Variants in WDR89 observed in about 807,000 individuals in gnomAD.
WDR89 encodes the protein WD repeat-containing protein 89.
Under a neutral mutation model 29.1 loss-of-function variants are expected in WDR89, and 17 were observed. The observed-to-expected ratio is 0.58, with a 90% CI of 0.40 to 0.88. The LOEUF is 0.88. Ranked by LOEUF, WDR89 falls within the 40% of genes least tolerant of loss-of-function variation. The probability of loss-of-function intolerance (pLI) is 0.00; values close to 1 mark genes in which losing one functional copy is unlikely to be tolerated. For synonymous variants in WDR89, 138 were observed against 157.8 expected (o/e 0.87, Z 0.94); for missense variants, 396 against 456.3 (o/e 0.87, Z 1.20).
At chr14:63,612,735 A>G (rs1435246482) in intron 2 of WDR89, among the ~76,000 whole-genome samples, 1 of 152,162 alleles carries the variant, frequency 6.6e-6, no homozygotes. Context: ...AAAGAAGCAA[A>G]CTGAGGGAGT....
intron 2 of WDR89, among the ~76,000 whole-genome samples, chr14:63,620,211 G>T (rs781085630): frequency 1.3e-5 from 2 of 151,718 alleles, no homozygotes. Context: ...CAGCTACTCG[G>T]GTACACATTT....
chr14:63,628,635 T>C (rs1224331338), intron 1 of WDR89, among the ~76,000 whole-genome samples: 1 of 152,088 alleles, frequency 6.6e-6, no homozygotes, highest in East Asian at 1.9e-4. Context: ...TCCTAGCAAT[T>C]TGATGTCAAC....
At position 63,599,943 on chromosome 14, in the gene WDR89, G is replaced by C; in HGVS notation, c.-1C>G. On this transcript the variant is annotated 5_prime_UTR_variant, in exon 3 of 3. Transcript: ENST00000620954. ...CAAATTGTTCCTCAATCTTTTCCATGTCAACAGCAGCATCCAAGGGTAGTA... is the reference window on the plus strand; with the variant it reads ...CAAATTGTTCCTCAATCTTTTCCATCTCAACAGCAGCATCCAAGGGTAGTA... 1.3e-6 allele frequency: 2 copies of C among 1,584,096 alleles called. No homozygotes were observed. Among genetic ancestry groups the C allele is most frequent in the South Asian group, 2.3e-5 (2 of 86,436 alleles).
At chr14:63,602,564 G>C (rs986628871) in intron 2 of WDR89, among the ~76,000 whole-genome samples, 4 of 151,414 alleles carry the variant, frequency 2.6e-5, no homozygotes, top group African/African-American at 9.7e-5. Context: ...CCTGAGGTCG[G>C]GAGATTGAGA....
At chr14:63,609,606 A>G (rs1257537395) in intron 2 of WDR89, among the ~76,000 whole-genome samples, 2 of 152,274 alleles carry the variant, frequency 1.3e-5, no homozygotes, top group Admixed American at 1.3e-4. Context: ...CCTGGCCAAC[A>G]TGGTGAAATC....
chr14:63,628,190 G>A lies in WDR89; in HGVS notation c.-137-3157C>T, dbSNP rs142343928. 5.8e-3 allele frequency among the ~76,000 whole-genome samples: 884 copies of A among 152,260 alleles called. 5 individuals are homozygous for A. The highest frequency in any genetic ancestry group is 0.02 in the African/African-American group (842 of 41,540). ...GAGGTCGAGGCTATGCGATCAATCA[G>A]GTGAACCATGATCACTCCAGTCCAG... is the stretch of plus-strand genomic sequence containing the variant. On this transcript the variant is annotated intron_variant, in intron 1 of 2. Coordinates refer to ENST00000620954, the MANE Select transcript of WDR89 (RefSeq NM_080666.4).
intron 2 of WDR89, among the ~76,000 whole-genome samples, chr14:63,609,610 T>G (rs948180923): frequency 6.6e-6 from 1 of 152,010 alleles, no homozygotes; most frequent in African/African-American, 2.4e-5. Context: ...GCCAACATGG[T>G]GAAATCCTCT....
intron 2 of WDR89, among the ~76,000 whole-genome samples, chr14:63,613,315 C>T (rs939867118): frequency 3.3e-5 from 5 of 149,382 alleles, no homozygotes; most frequent in Non-Finnish European, 5.9e-5. Context: ...TCTTAGGGGA[C>T]AAGTGAGAAA....
At chr14:63,605,409 C>A (rs965321757) in intron 2 of WDR89, among the ~76,000 whole-genome samples, 3 of 151,212 alleles carry the variant, frequency 2.0e-5, no homozygotes, top group African/African-American at 7.3e-5. Flanking sequence ...TTCATAAAGA[C>A]AATAAAGGAC....
chr14:63,627,508 A>C (rs1243647041), intron 1 of WDR89, among the ~76,000 whole-genome samples: 1 of 152,152 alleles, frequency 6.6e-6, no homozygotes, highest in Non-Finnish European at 1.5e-5. Context: ...AAATACATGT[A>C]ATGAATCCAT....
rs758688254 is a variant in WDR89 at position 63,599,502 on chromosome 14, A to G, written c.441T>C (p.Asp147=). 142 of 1,614,080 alleles carry G rather than the reference A, an allele frequency of 8.8e-5. No individual in the cohort carries two copies. The highest frequency in any genetic ancestry group is 1.1e-4 in the Non-Finnish European group (129 of 1,180,054). Residue 147 remains aspartate, a synonymous_variant, in exon 3 of 3, where the codon GAT becomes GAC. Transcript: ENST00000620954. ...VDDDALLVFW[D]ARMNSQNLST... ...ATAAATTCTGAGAATTCATCCTTGCATCCCAAAACACCAACAATGCATCAT... is the reference window on the plus strand; with the variant it reads ...ATAAATTCTGAGAATTCATCCTTGCGTCCCAAAACACCAACAATGCATCAT...
chr14:63,634,858 G>A (rs1187872597), intron 1 of WDR89, among the ~76,000 whole-genome samples: 9 of 136,254 alleles, frequency 6.6e-5, no homozygotes, highest in Non-Finnish European at 1.2e-4. Context: ...CAACAAAAGC[G>A]AAACTACATC....
chr14:63,625,721 G>C (rs1205299730), intron 1 of WDR89, among the ~76,000 whole-genome samples: 1 of 152,112 alleles, frequency 6.6e-6, no homozygotes, highest in Non-Finnish European at 1.5e-5. Context: ...TAGATTTGTA[G>C]ACCTTACAGT....
intron 2 of WDR89, among the ~76,000 whole-genome samples, chr14:63,605,183 C>T (rs868588035): frequency 0.022 from 3,098 of 142,544 alleles, 79 homozygotes; most frequent in African/African-American, 0.073. Flanking sequence ...TATATATATA[C>T]ACACACACAC....
chr14:63,615,877 T>C (rs1226606510), intron 2 of WDR89, among the ~76,000 whole-genome samples: 2 of 149,728 alleles, frequency 1.3e-5, no homozygotes, highest in African/African-American at 2.5e-5. Context: ...TGAGCTGAGA[T>C]GGTGCCACTG....
chr14:63,623,761 A>G (rs1882863254), intron 2 of WDR89, among the ~76,000 whole-genome samples: 1 of 151,696 alleles, frequency 6.6e-6, no homozygotes, highest in African/African-American at 2.4e-5. Flanking sequence ...ACATTAAATA[A>G]AAATAATATG....
intron 2 of WDR89, among the ~76,000 whole-genome samples, chr14:63,622,774 A>G (rs1274244120): frequency 6.6e-6 from 1 of 152,184 alleles, no homozygotes; most frequent in Non-Finnish European, 1.5e-5. Context: ...CTCTAAATAA[A>G]TAAGTAAATA....
intron 2 of WDR89, among the ~76,000 whole-genome samples, chr14:63,603,629 C>T (rs192858274): frequency 6.9e-4 from 105 of 152,260 alleles, no homozygotes; most frequent in South Asian, 6.4e-3. Flanking sequence ...CATAATCTAT[C>T]GCTTTGTTGC....
At chr14:63,615,924 T>TAA (rs113469632) in intron 2 of WDR89, among the ~76,000 whole-genome samples, 17 of 132,706 alleles carry the variant, frequency 1.3e-4, no homozygotes, top group African/African-American at 3.1e-4. Context: ...ACCCTGTCTT[T>TAA]AAAAAAAAAA....
Sources: allele counts gnomAD v4.1 joint callset (sites outside exome capture counted in the v4.1 genomes callset), GRCh38; gene constraint gnomAD v4.1.1; transcripts MANE v1.5; gene names NCBI Gene and HGNC (gene_info 2026-07-23, HGNC 2026-07-21).